Variants in NTM observed in about 807,000 individuals in gnomAD.
NTM encodes IgLON family member 2.
NTM carries 13 observed loss-of-function variants against 42.1 expected under a neutral mutation model. The observed-to-expected ratio is 0.31, with a 90% CI of 0.20 to 0.49. NTM has a LOEUF of 0.49. Ranked by LOEUF, NTM falls within the 20% of genes least tolerant of loss-of-function variation. The pLI is 0.99. For missense variants in NTM, 373 were observed against 452.8 expected (o/e 0.82, Z 1.60); for synonymous variants, 187 against 179.2 (o/e 1.04, Z -0.35).
intron 1 of NTM, among the ~76,000 whole-genome samples, chr11:131,893,473 C>A (rs2051715425): frequency 6.6e-6 from 1 of 152,024 alleles, no homozygotes; most frequent in Admixed American, 6.5e-5. Flanking sequence ...GAGTATTATT[C>A]TTGGTGCATT....
At chr11:132,172,395 C>A (rs1363846615) in intron 3 of NTM, among the ~76,000 whole-genome samples, 2 of 152,098 alleles carry the variant, frequency 1.3e-5, no homozygotes, top group African/African-American at 4.8e-5. Flanking sequence ...ATATCCATTG[C>A]CAAGGAGATG....
At chr11:131,413,462 A>C (rs1946628791) in intron 1 of NTM, among the ~76,000 whole-genome samples, 1 of 152,204 alleles carries the variant, frequency 6.6e-6, no homozygotes, top group African/African-American at 2.4e-5. Context: ...CCAACCTTCC[A>C]ACCCTGAAAG....
intron 1 of NTM, among the ~76,000 whole-genome samples, chr11:131,504,650 C>A (rs2136401426): frequency 6.6e-6 from 1 of 152,262 alleles, no homozygotes; most frequent in Admixed American, 6.5e-5. Context: ...CCTCGACCTG[C>A]ACTGCTGGCC....
intron 2 of NTM, among the ~76,000 whole-genome samples, chr11:132,131,215 C>T (rs997619313): frequency 2.0e-5 from 3 of 152,164 alleles, no homozygotes; most frequent in South Asian, 2.1e-4. Context: ...TCTGGCAGCC[C>T]GGTGTGAGTA....
At chr11:131,922,339 C>G (rs1260846422) in intron 2 of NTM, 1 of 152,546 alleles carries the variant, frequency 6.6e-6, no homozygotes, top group Non-Finnish European at 1.5e-5. Context: ...CACGCTTCTT[C>G]ACTCTGGTCC....
At chr11:132,279,691 G>A (rs1486229755) in intron 4 of NTM, among the ~76,000 whole-genome samples, 1 of 151,988 alleles carries the variant, frequency 6.6e-6, no homozygotes, top group East Asian at 1.9e-4. Flanking sequence ...CTCAGCTTAA[G>A]TGCTACCTCT....
chr11:131,403,925 C>A (rs927935939), intron 1 of NTM, among the ~76,000 whole-genome samples: 2 of 152,088 alleles, frequency 1.3e-5, no homozygotes, highest in Admixed American at 1.3e-4. Context: ...GGGGCCTCTC[C>A]TCTCTCCCCT....
At chr11:131,676,992 A>G (rs2071536757) in intron 1 of NTM, among the ~76,000 whole-genome samples, 1 of 133,484 alleles carries the variant, frequency 7.5e-6, no homozygotes. Context: ...CTTTCCTGAC[A>G]CTGACATTTT....
chr11:132,307,094 C>T (rs1033912055), intron 4 of NTM, among the ~76,000 whole-genome samples: 1 of 152,112 alleles, frequency 6.6e-6, no homozygotes, highest in East Asian at 1.9e-4. Context: ...GGATCTTGTA[C>T]CTAGGAGCTC....
chr11:131,552,504 CAAAA>C (rs36101549), intron 1 of NTM, among the ~76,000 whole-genome samples: 6 of 73,114 alleles, frequency 8.2e-5, no homozygotes, highest in South Asian at 9.8e-4. Context: ...GACTCCGTCT[CAAAA>C]AAAAAAAAAA....
intron 1 of NTM, among the ~76,000 whole-genome samples, chr11:131,389,842 A>C (rs896917981): frequency 2.6e-5 from 4 of 152,208 alleles, no homozygotes; most frequent in Admixed American, 6.5e-5. Context: ...GTGAGTAATC[A>C]AAGGAGATTT....
intron 1 of NTM, among the ~76,000 whole-genome samples, chr11:131,503,551 C>A (rs1442160689): frequency 2.7e-5 from 4 of 147,444 alleles, no homozygotes; most frequent in Admixed American, 6.7e-5. Context: ...GAGACAAGGT[C>A]TTACTCTGTT....
chr11:131,972,461 A>G (rs1593289957), intron 2 of NTM, among the ~76,000 whole-genome samples: 2 of 152,174 alleles, frequency 1.3e-5, no homozygotes, highest in African/African-American at 2.4e-5. Flanking sequence ...TCTATCTTAC[A>G]TAATAAAAAA....
chr11:131,481,147 A>G (rs987597121), intron 1 of NTM, among the ~76,000 whole-genome samples: 13 of 152,184 alleles, frequency 8.5e-5, no homozygotes, highest in Admixed American at 5.9e-4. Flanking sequence ...TTTGAGCTTC[A>G]ATTTCCTTAG....
intron 1 of NTM, among the ~76,000 whole-genome samples, chr11:131,412,360 C>T (rs1376150330): frequency 1.3e-5 from 2 of 152,102 alleles, no homozygotes; most frequent in Non-Finnish European, 2.9e-5. Context: ...GGAAATGATA[C>T]TGTGCAGAAG....
rs370083196 is a variant in NTM at position 131,639,011 on chromosome 11, A to G, written c.82+268123A>G. On this transcript the variant is annotated intron_variant, in intron 1 of 8. Transcript: ENST00000683400. Reference sequence around the variant, plus strand: ...CCTTCATCGGCCAGCTGCTACTATTATACTCATTTGATATATGAGAATACT... The same window carrying G: ...CCTTCATCGGCCAGCTGCTACTATTGTACTCATTTGATATATGAGAATACT... 3.2e-4 allele frequency among the ~76,000 whole-genome samples: 49 copies of G among 152,362 alleles called. No individual in the cohort carries two copies. The South Asian group carries it at 5.4e-3, about 17-fold the overall frequency.
intron 1 of NTM, among the ~76,000 whole-genome samples, chr11:131,428,890 A>C: frequency 6.6e-6 from 1 of 150,476 alleles, no homozygotes; most frequent in East Asian, 2.0e-4. Context: ...CAAAAAAAAA[A>C]AAAAAAAAAA....
intron 1 of NTM, among the ~76,000 whole-genome samples, chr11:131,589,766 T>C (rs1249190602): frequency 1.3e-5 from 2 of 152,154 alleles, no homozygotes; most frequent in African/African-American, 4.8e-5. Context: ...CTGGCCTCAC[T>C]GCTGAGGAGA....
intron 2 of NTM, among the ~76,000 whole-genome samples, chr11:131,972,519 C>T (rs571837874): frequency 3.3e-5 from 5 of 152,214 alleles, no homozygotes; most frequent in East Asian, 1.9e-4. Flanking sequence ...TTTCCTCCCA[C>T]GTTGTGAGCC....
Sources: gnomAD v4.1 joint callset for allele counts (sites outside exome capture counted in the v4.1 genomes callset) on GRCh38, gnomAD v4.1.1 for gene constraint, MANE v1.5 for transcripts, NCBI Gene and HGNC (gene_info 2026-07-23, HGNC 2026-07-21) for gene names.